Variants in CDKAL1 observed in about 807,000 individuals in gnomAD.
CDKAL1 encodes the protein threonylcarbamoyladenosine tRNA methylthiotransferase.
CDKAL1 carries 32 observed loss-of-function variants against 68.2 expected under a neutral mutation model. That is an observed-to-expected ratio of 0.47 (90% CI 0.35 to 0.63). The LOEUF (loss-of-function observed/expected upper bound fraction) is 0.63, where lower values mean the gene tolerates loss of function less well. Among genes scored for constraint, CDKAL1 ranks in the 30% least tolerant of loss-of-function variants. The probability of loss-of-function intolerance (pLI) is 0.00; values close to 1 mark genes in which losing one functional copy is unlikely to be tolerated. For synonymous variants in CDKAL1, 234 were observed against 244.3 expected, an observed-to-expected ratio of 0.96 and a Z score of 0.39; for missense variants, 606 against 696.7, an observed-to-expected ratio of 0.87 and a Z score of 1.47.
chr6:21,099,347 G>C (rs1428974237), intron 12 of CDKAL1, among the ~76,000 whole-genome samples: 4 of 152,094 alleles, frequency 2.6e-5, no homozygotes, highest in Non-Finnish European at 5.9e-5. Flanking sequence ...GAATGAGCAC[G>C]GCTGTGTTCC....
In CDKAL1 at chr6:21,065,199, G is replaced by A; in HGVS notation, c.1207G>A (p.Ala403Thr). 2 of 1,608,528 alleles carry A rather than the reference G, an allele frequency of 1.2e-6. No individual in the cohort carries two copies. The highest frequency in any genetic ancestry group is 2.2e-5 in the East Asian group (1 of 44,686). ...QFYPRPGTPA[A>T]KMEQVPAQVK... ...TTACCCAAGACCAGGAACTCCTGCTGCAAAAATGGAACAAGTTCCAGCACA... is the reference window on the plus strand; with the variant it reads ...TTACCCAAGACCAGGAACTCCTGCTACAAAAATGGAACAAGTTCCAGCACA... The change falls in exon 12 of 16, where the codon GCA (alanine) becomes ACA (threonine). Residue 403 changes from alanine (A) to threonine (T), a missense_variant. Ala to Thr is a moderately conservative substitution (Grantham distance 58). Coordinates refer to ENST00000274695, the MANE Select transcript of CDKAL1 (RefSeq NM_017774.3).
intron 5 of CDKAL1, among the ~76,000 whole-genome samples, chr6:20,699,245 C>G (rs981836385): frequency 6.6e-6 from 1 of 151,966 alleles, no homozygotes; most frequent in Admixed American, 6.6e-5. Context: ...ATTACAGAGA[C>G]CAGACTTGTT....
At chr6:21,017,486 T>G (rs1054935233) in intron 11 of CDKAL1, among the ~76,000 whole-genome samples, 5 of 152,348 alleles carry the variant, frequency 3.3e-5, no homozygotes, top group Admixed American at 6.5e-5. Flanking sequence ...CATCACCTAA[T>G]TGTAGCAGTA....
chr6:21,011,294 G>A (rs1768006144), intron 11 of CDKAL1, among the ~76,000 whole-genome samples: 1 of 151,682 alleles, frequency 6.6e-6, no homozygotes, highest in Non-Finnish European at 1.5e-5. Context: ...TGATGCAGGA[G>A]AATGGTGTGA....
In CDKAL1 at chr6:20,649,371, CAATT is replaced by C; in HGVS notation, c.368_371del (p.Ile123LysfsTer29). On this transcript the variant is annotated frameshift_variant and splice_region_variant, in exon 5 of 16. Coordinates refer to ENST00000274695, the MANE Select transcript of CDKAL1 (RefSeq NM_017774.3). LOFTEE classifies it high-confidence loss of function. ...CCAGCTGAAGACCACTTTAGAAACT[CAATT>C]AAGTAAGTAGAAATTGATTTTTTCC... The C allele has an allele frequency of 1.9e-6, 3 of 1,570,034 alleles. No individual in the cohort carries two copies. Among genetic ancestry groups the C allele is most frequent in the Non-Finnish European group, 2.6e-6 (3 of 1,148,700 alleles).
At chr6:21,074,518 T>C (rs1280170697) in intron 12 of CDKAL1, among the ~76,000 whole-genome samples, 1 of 152,202 alleles carries the variant, frequency 6.6e-6, no homozygotes, top group African/African-American at 2.4e-5. Context: ...CCTGTAATTA[T>C]GCTCTAGGTA....
At chr6:20,596,222 G>A (rs12208985) in intron 4 of CDKAL1, among the ~76,000 whole-genome samples, 8,591 of 152,242 alleles carry the variant, frequency 0.056, 260 homozygotes, top group Middle Eastern at 0.078. Context: ...CTTCAGAGCC[G>A]GCAGGCAGGA....
At chr6:20,706,776 G>T (rs971006231) in intron 5 of CDKAL1, among the ~76,000 whole-genome samples, 1 of 152,082 alleles carries the variant, frequency 6.6e-6, no homozygotes, top group South Asian at 2.1e-4. Flanking sequence ...TGTATTACTT[G>T]TATAAAGTAC....
intron 7 of CDKAL1, among the ~76,000 whole-genome samples, chr6:20,769,534 G>A (rs1171923593): frequency 6.6e-6 from 1 of 151,976 alleles, no homozygotes; most frequent in Non-Finnish European, 1.5e-5. Context: ...TAGGATTACA[G>A]GTGTGAGCCA....
chr6:20,745,981 A>G (rs1773649092), intron 6 of CDKAL1, among the ~76,000 whole-genome samples: 1 of 152,212 alleles, frequency 6.6e-6, no homozygotes, highest in Admixed American at 6.5e-5. Flanking sequence ...GTTATTTAAT[A>G]GGAGTATTCT....
intron 15 of CDKAL1, among the ~76,000 whole-genome samples, chr6:21,227,572 G>A (rs13202305): frequency 0.14 from 21,823 of 152,312 alleles, 1,845 homozygotes; most frequent in Non-Finnish European, 0.18. Context: ...TCACGCTCCC[G>A]CCTTGATCCT....
At chr6:21,227,195 GT>G (rs1398221958) in intron 15 of CDKAL1, among the ~76,000 whole-genome samples, 1 of 152,170 alleles carries the variant, frequency 6.6e-6, no homozygotes, top group African/African-American at 2.4e-5. Context: ...TCTATCGGCT[GT>G]TTATAATCAC....
intron 9 of CDKAL1, among the ~76,000 whole-genome samples, chr6:20,852,663 A>G (rs1043103629): frequency 5.3e-5 from 8 of 152,220 alleles, no homozygotes; most frequent in African/African-American, 1.7e-4. Context: ...AGTTTAGACT[A>G]TCAGTGGCAG....
intron 9 of CDKAL1, among the ~76,000 whole-genome samples, chr6:20,879,379 C>G (rs1471317007): frequency 6.6e-6 from 1 of 152,236 alleles, no homozygotes; most frequent in Non-Finnish European, 1.5e-5. Flanking sequence ...CAGCACTGCT[C>G]TCAGATGGTT....
At chr6:20,738,199 A>C (rs1306366500) in intron 5 of CDKAL1, among the ~76,000 whole-genome samples, 1 of 152,180 alleles carries the variant, frequency 6.6e-6, no homozygotes, top group South Asian at 2.1e-4. Flanking sequence ...AATAAAAGTG[A>C]ACAAAGCATC....
At chr6:20,638,920 C>G (rs1383722827) in intron 4 of CDKAL1, among the ~76,000 whole-genome samples, 2 of 152,094 alleles carry the variant, frequency 1.3e-5, no homozygotes, top group Non-Finnish European at 2.9e-5. Context: ...GCATGAACCA[C>G]CGCGCCCGGC....
chr6:21,225,160 G>T (rs950082885), intron 15 of CDKAL1, among the ~76,000 whole-genome samples: 1 of 152,184 alleles, frequency 6.6e-6, no homozygotes, highest in African/African-American at 2.4e-5. Flanking sequence ...GCCATGAGGA[G>T]GGCCAGCTGA....
At chr6:20,605,867 A>G (rs1239935568) in intron 4 of CDKAL1, among the ~76,000 whole-genome samples, 1 of 152,164 alleles carries the variant, frequency 6.6e-6, no homozygotes, top group African/African-American at 2.4e-5. Context: ...GTTTCCTCAC[A>G]TACATGCACT....
At chr6:20,988,634 T>C (rs940980669) in intron 10 of CDKAL1, among the ~76,000 whole-genome samples, 2 of 151,790 alleles carry the variant, frequency 1.3e-5, no homozygotes, top group Non-Finnish European at 2.9e-5. Context: ...AATCACTGGT[T>C]TTTTTGTTTC....
Sources: allele counts gnomAD v4.1 joint callset (sites outside exome capture counted in the v4.1 genomes callset), GRCh38; gene constraint gnomAD v4.1.1; transcripts MANE v1.5; gene names NCBI Gene and HGNC (gene_info 2026-07-23, HGNC 2026-07-21).